Variants in OCA2 observed in about 807,000 individuals in gnomAD.
The protein encoded by OCA2 is P protein.
A neutral mutation model predicts 100.2 loss-of-function variants in OCA2; 77 were observed. The observed-to-expected ratio is 0.77, with a 90% CI of 0.64 to 0.93. The LOEUF (loss-of-function observed/expected upper bound fraction) is 0.93, where lower values mean the gene tolerates loss of function less well. Ranked by LOEUF, OCA2 falls within the 40% of genes least tolerant of loss-of-function variation. OCA2 has a pLI of 0.00. For synonymous variants in OCA2, 432 were observed against 439.2 expected, an observed-to-expected ratio of 0.98 and a Z score of 0.21; for missense variants, 1,062 against 1,089.1, an observed-to-expected ratio of 0.98 and a Z score of 0.35.
intron 23 of OCA2, among the ~76,000 whole-genome samples, chr15:27,802,140 A>G (rs1398156635): frequency 6.6e-6 from 1 of 152,168 alleles, no homozygotes; most frequent in East Asian, 1.9e-4. Flanking sequence ...TACATCTATT[A>G]TATTTCTATA....
intron 23 of OCA2, among the ~76,000 whole-genome samples, chr15:27,842,782 G>A (rs897860424): frequency 1.1e-4 from 17 of 152,152 alleles, no homozygotes; most frequent in Admixed American, 9.8e-4. Flanking sequence ...TGAGGCCACC[G>A]ACTTCCTGTC....
At chr15:28,001,480 C>CCGGT (rs1384052093) in intron 9 of OCA2, among the ~76,000 whole-genome samples, 1 of 152,130 alleles carries the variant, frequency 6.6e-6, no homozygotes, top group Non-Finnish European at 1.5e-5. Flanking sequence ...GAAGAGCTGA[C>CCGGT]CGCCAGAGCT....
intron 14 of OCA2, among the ~76,000 whole-genome samples, chr15:27,982,852 T>C (rs2041213435): frequency 1.3e-5 from 2 of 152,246 alleles, no homozygotes; most frequent in African/African-American, 4.8e-5. Flanking sequence ...TAATACTTTG[T>C]CTTTATTACA....
At chr15:27,872,075 A>C (rs1166932576) in intron 19 of OCA2, among the ~76,000 whole-genome samples, 153 bp from the exon 20 acceptor site, 1 of 152,240 alleles carries the variant, frequency 6.6e-6, no homozygotes, top group African/African-American at 2.4e-5. Flanking sequence ...ACAGTCTATA[A>C]ATAATTTACT....
At chr15:27,736,258 T>C in the OCA2 span, among the ~76,000 whole-genome samples, 21 of 152,362 alleles carry the variant, frequency 1.4e-4, no homozygotes, top group African/African-American at 4.8e-4. Flanking sequence ...CAATAGCAGA[T>C]TAAGTTATTC....
At chr15:28,091,441 A>T (rs535261594) in intron 1 of OCA2, among the ~76,000 whole-genome samples, 2 of 152,222 alleles carry the variant, frequency 1.3e-5, no homozygotes, top group Non-Finnish European at 2.9e-5. Context: ...AAGGGAATTC[A>T]GTAATATATC....
At chr15:27,893,049 T>C (rs1045390248) in intron 19 of OCA2, among the ~76,000 whole-genome samples, 6 of 152,210 alleles carry the variant, frequency 3.9e-5, no homozygotes, top group South Asian at 2.1e-4. Flanking sequence ...ATGAAAGACG[T>C]TGAATTATTA....
intron 21 of OCA2, among the ~76,000 whole-genome samples, chr15:27,867,399 T>C (rs190935368): frequency 6.6e-6 from 1 of 152,320 alleles, no homozygotes; most frequent in East Asian, 1.9e-4. Context: ...AATGTAAACA[T>C]GTTAAACTAT....
chr15:27,912,634 TAATA>T (rs1219559648), intron 19 of OCA2, among the ~76,000 whole-genome samples: 1 of 152,202 alleles, frequency 6.6e-6, no homozygotes, highest in Non-Finnish European at 1.5e-5. Flanking sequence ...AAGCTCCAGT[TAATA>T]AATGTATTAA....
At chr15:28,061,174 G>A (rs1307446540) in intron 2 of OCA2, among the ~76,000 whole-genome samples, 1 of 152,232 alleles carries the variant, frequency 6.6e-6, no homozygotes, top group African/African-American at 2.4e-5. Context: ...GGATGACCGT[G>A]AGGCTCTGCA....
intron 19 of OCA2, among the ~76,000 whole-genome samples, chr15:27,883,637 T>G (rs905552583): frequency 6.6e-6 from 1 of 152,218 alleles, no homozygotes; most frequent in Admixed American, 6.5e-5. Flanking sequence ...CAGGGCTGCC[T>G]GCCTTCAGCC....
At chr15:27,985,040 C>A (rs1467124355) in intron 13 of OCA2, 24 bp downstream of exon 13, 3 of 1,613,348 alleles carry the variant, frequency 1.9e-6, no homozygotes, top group African/African-American at 1.3e-5. Context: ...GCCGCAACTC[C>A]CACGGCAGAG....
chr15:27,988,290 C>T (rs1187651295), intron 11 of OCA2, among the ~76,000 whole-genome samples: 4 of 152,108 alleles, frequency 2.6e-5, no homozygotes, highest in East Asian at 1.9e-4. Context: ...CCGAGAAAAA[C>T]GTGCTGAAGC....
chr15:28,024,886 G>C lies in OCA2; in HGVS notation c.532C>G (p.Leu178Val). 1.2e-6 allele frequency: 2 copies of C among 1,614,190 alleles called. No homozygotes were observed. The highest frequency in any genetic ancestry group is 1.7e-6 in the Non-Finnish European group (2 of 1,180,038). ...AAGGCAAACAGGCCCATGACTTTCA[G>C]CCACTGCACACAGCGCCTGCAAGAG... The part of the protein sequence containing the change: ...LSKLRRCVQW[L>V]KVMGLFAFVV... Residue 178 changes from leucine (L) to valine (V), a missense_variant, in exon 5 of 24, where the codon CTG (leucine) becomes GTG (valine). Physicochemically the swap from Leu to Val is conservative, Grantham distance 32 (BLOSUM62 1). Transcript: ENST00000354638.
intron 22 of OCA2, among the ~76,000 whole-genome samples, chr15:27,850,117 A>G (rs1427456255): frequency 6.6e-6 from 1 of 152,178 alleles, no homozygotes; most frequent in Non-Finnish European, 1.5e-5. Flanking sequence ...TCTCCTCCAC[A>G]TTGATCCTAC....
chr15:28,068,995 G>A (rs1043348595), intron 2 of OCA2, among the ~76,000 whole-genome samples: 3 of 152,068 alleles, frequency 2.0e-5, no homozygotes, highest in African/African-American at 4.8e-5. Flanking sequence ...ATACTGAATG[G>A]GCAAAAGCTC....
intron 23 of OCA2, among the ~76,000 whole-genome samples, chr15:27,792,469 C>T (rs1394139786): frequency 6.6e-6 from 1 of 152,170 alleles, no homozygotes; most frequent in Non-Finnish European, 1.5e-5. Context: ...AGTGGCTTGG[C>T]TTTCGGGCAA....
chr15:27,846,316 C>T (rs897246071), intron 22 of OCA2, among the ~76,000 whole-genome samples: 3 of 152,022 alleles, frequency 2.0e-5, no homozygotes, highest in African/African-American at 7.2e-5. Flanking sequence ...TCTCACTGTC[C>T]GACAAGTCTC....
chr15:27,726,752 T>C, the OCA2 span, among the ~76,000 whole-genome samples: 1 of 152,084 alleles, frequency 6.6e-6, no homozygotes, highest in Non-Finnish European at 1.5e-5. Flanking sequence ...TAAAGTATAA[T>C]AAAATAAAAT....
Sources: gnomAD v4.1 joint callset for allele counts (sites outside exome capture counted in the v4.1 genomes callset) on GRCh38, gnomAD v4.1.1 for gene constraint, MANE v1.5 for transcripts, NCBI Gene and HGNC (gene_info 2026-07-23, HGNC 2026-07-21) for gene names.